PLXDC2: variants seen among roughly 807,000 people sequenced by gnomAD.
PLXDC2 encodes plexin domain containing 2, also known as plexin domain-containing protein 2.
In PLXDC2, 40 loss-of-function variants were observed where a neutral mutation model predicts 68.9. The ratio of observed to expected loss-of-function variants is 0.58; its 90% CI spans 0.45 to 0.76. The LOEUF (loss-of-function observed/expected upper bound fraction) is 0.76. Ranked by LOEUF, PLXDC2 falls within the 30% of genes least tolerant of loss-of-function variation. The pLI is 0.00. For missense variants in PLXDC2, 644 were observed against 661.9 expected (o/e 0.97, Z 0.30); for synonymous variants, 243 against 234.2 (o/e 1.04, Z -0.34).
At chr10:19,843,100 T>C (rs1216704695) in intron 1 of PLXDC2, among the ~76,000 whole-genome samples, 2 of 146,796 alleles carry the variant, frequency 1.4e-5, no homozygotes, top group African/African-American at 5.5e-5. Flanking sequence ...CTAATGTCTT[T>C]ACAACGATCT....
chr10:19,828,522 G>T (rs1836619695), intron 1 of PLXDC2, among the ~76,000 whole-genome samples: 1 of 152,162 alleles, frequency 6.6e-6, no homozygotes, highest in South Asian at 2.1e-4. Flanking sequence ...AGGAGTACAT[G>T]GAAAAGCCAG....
At chr10:20,159,680 C>A (rs1167813621) in intron 6 of PLXDC2, among the ~76,000 whole-genome samples, 1 of 152,182 alleles carries the variant, frequency 6.6e-6, no homozygotes, top group East Asian at 1.9e-4. Flanking sequence ...TACACGCTCC[C>A]TATGATCTGC....
intron 1 of PLXDC2, among the ~76,000 whole-genome samples, chr10:20,000,705 T>A (rs929165790): frequency 2.6e-5 from 4 of 152,214 alleles, no homozygotes; most frequent in African/African-American, 9.6e-5. Context: ...GAGTTCTAAG[T>A]AGCTGAATCA....
chr10:19,867,064 C>CTTTT (rs61651939), intron 1 of PLXDC2, among the ~76,000 whole-genome samples: 124 of 124,708 alleles, frequency 9.9e-4, no homozygotes, highest in East Asian at 1.7e-3. Context: ...TCCTTTCCCT[C>CTTTT]TTTTTTTTTT....
At chr10:20,226,746 T>C (rs1835292501) in intron 12 of PLXDC2, among the ~76,000 whole-genome samples, 1 of 152,152 alleles carries the variant, frequency 6.6e-6, no homozygotes, top group Non-Finnish European at 1.5e-5. Context: ...ACAAAGTAGC[T>C]CTAAATGCAC....
chr10:19,907,743 T>C (rs1297416744), intron 1 of PLXDC2, among the ~76,000 whole-genome samples: 1 of 152,222 alleles, frequency 6.6e-6, no homozygotes, highest in East Asian at 1.9e-4. Flanking sequence ...CTTAAAAGAT[T>C]GTGGAAACCT....
chr10:20,029,719 A>G (rs1479887659), intron 2 of PLXDC2, among the ~76,000 whole-genome samples: 3 of 152,254 alleles, frequency 2.0e-5, no homozygotes, highest in African/African-American at 7.2e-5. Context: ...ATATTTCTGC[A>G]AAATCAGCAA....
At chr10:19,992,052 T>C (rs1343947724) in intron 1 of PLXDC2, among the ~76,000 whole-genome samples, 3 of 152,188 alleles carry the variant, frequency 2.0e-5, no homozygotes, top group Non-Finnish European at 4.4e-5. Context: ...TGTGAAAGTG[T>C]TTTACCAAGT....
chr10:19,941,059 A>T (rs965573301), intron 1 of PLXDC2, among the ~76,000 whole-genome samples: 52 of 152,352 alleles, frequency 3.4e-4, no homozygotes, highest in African/African-American at 1.2e-3. Context: ...TTACACAGCT[A>T]TGCCATGAAA....
At chr10:20,257,676 A>G (rs1835759070) in intron 13 of PLXDC2, among the ~76,000 whole-genome samples, 1 of 152,214 alleles carries the variant, frequency 6.6e-6, no homozygotes, top group Non-Finnish European at 1.5e-5. Context: ...TAACATAACA[A>G]TGATTTAAAA....
chr10:20,219,246 G>A (rs2131865444), intron 12 of PLXDC2, 144 bp downstream of exon 12: 1 of 853,394 alleles, frequency 1.2e-6, no homozygotes, highest in Non-Finnish European at 1.7e-6. Flanking sequence ...ATGGGAAGGA[G>A]TCAGTGGGTT....
intron 3 of PLXDC2, among the ~76,000 whole-genome samples, chr10:20,055,036 T>C (rs549363344): frequency 1.6e-4 from 25 of 152,272 alleles, no homozygotes; most frequent in African/African-American, 5.3e-4. Context: ...GGTAGGAAGA[T>C]TGATTCTTTA....
intron 13 of PLXDC2, among the ~76,000 whole-genome samples, chr10:20,248,843 G>A (rs771189660): frequency 6.6e-6 from 1 of 152,092 alleles, no homozygotes; most frequent in Non-Finnish European, 1.5e-5. Context: ...TTCTTTTCTT[G>A]CCTTTTATGT....
intron 1 of PLXDC2, among the ~76,000 whole-genome samples, chr10:19,961,540 A>C (rs1460292524): frequency 1.3e-5 from 2 of 152,250 alleles, no homozygotes; most frequent in Admixed American, 1.3e-4. Flanking sequence ...TCGTTGTCTT[A>C]TGACATGATC....
At chr10:20,273,396 C>A (rs547056339) in intron 13 of PLXDC2, among the ~76,000 whole-genome samples, 5 of 152,004 alleles carry the variant, frequency 3.3e-5, no homozygotes, top group Admixed American at 1.3e-4. Context: ...ATGCTGTCTT[C>A]TAGAGGAGGA....
chr10:19,906,213 G>C (rs185978540), intron 1 of PLXDC2, among the ~76,000 whole-genome samples: 1 of 152,158 alleles, frequency 6.6e-6, no homozygotes, highest in Non-Finnish European at 1.5e-5. Flanking sequence ...TGTGTTGTAA[G>C]ATGTGTGTTA....
chr10:20,213,520 A>C (rs1449951663), intron 10 of PLXDC2, among the ~76,000 whole-genome samples: 1 of 152,072 alleles, frequency 6.6e-6, no homozygotes, highest in Non-Finnish European at 1.5e-5. Flanking sequence ...TTTGTCCTTC[A>C]TATAAATATT....
intron 1 of PLXDC2, among the ~76,000 whole-genome samples, chr10:19,999,944 G>A (rs1834906713): frequency 6.6e-6 from 1 of 152,032 alleles, no homozygotes; most frequent in South Asian, 2.1e-4. Flanking sequence ...GAATTATGCC[G>A]GATCATACAA....
intron 1 of PLXDC2, among the ~76,000 whole-genome samples, chr10:20,001,127 C>A (rs565689963): frequency 1.3e-5 from 2 of 152,158 alleles, no homozygotes; most frequent in African/African-American, 4.8e-5. Context: ...TAGACCCTGA[C>A]GAGATTTCAA....
Sources: gnomAD v4.1 joint callset for allele counts (sites outside exome capture counted in the v4.1 genomes callset) on GRCh38, gnomAD v4.1.1 for gene constraint, MANE v1.5 for transcripts, NCBI Gene and HGNC (gene_info 2026-07-23, HGNC 2026-07-21) for gene names.